Variants in NR5A2 observed in about 807,000 individuals in gnomAD.
The protein encoded by NR5A2 is nuclear receptor subfamily 5 group A member 2.
Under a neutral mutation model 62.7 loss-of-function variants are expected in NR5A2, and 26 were observed. The ratio of observed to expected loss-of-function variants is 0.41; its 90% confidence interval spans 0.30 to 0.58. The LOEUF (loss-of-function observed/expected upper bound fraction) is 0.58. NR5A2 is among the 20% of genes least tolerant of loss of function. The pLI is 0.22. For synonymous variants in NR5A2, 246 were observed against 241.7 expected, an observed-to-expected ratio of 1.02 and a Z score of -0.16; for missense variants, 541 against 669.1, an observed-to-expected ratio of 0.81 and a Z score of 2.11.
chr1:200,151,202 G>C (rs969700884), intron 7 of NR5A2, among the ~76,000 whole-genome samples: 2 of 152,160 alleles, frequency 1.3e-5, no homozygotes, highest in South Asian at 4.1e-4. Context: ...ATTGTCTTGT[G>C]TCTTTTAGCA....
intron 1 of NR5A2, chr1:200,038,682 T>C: frequency 1.5e-6 from 2 of 1,365,758 alleles, no homozygotes; most frequent in Non-Finnish European, 9.8e-7. Context: ...CCCCATCCCT[T>C]CTTCTTGCTT....
chr1:200,145,468 TTGTGTGTGTGTGTGTGTGTG>T (rs66885184), intron 7 of NR5A2, among the ~76,000 whole-genome samples: 45 of 142,204 alleles, frequency 3.2e-4, no homozygotes, highest in African/African-American at 8.7e-4. Flanking sequence ...TTGATAGAAT[TTGTGTGTGTGTGTGTGTGTG>T]TGTGTGTGTG....
intron 7 of NR5A2, among the ~76,000 whole-genome samples, chr1:200,143,638 A>ATTTTT: frequency 9.7e-6 from 1 of 103,296 alleles, no homozygotes; most frequent in Non-Finnish European, 1.9e-5. Flanking sequence ...ATTGTTCATA[A>ATTTTT]TTTTTTTTTT....
chr1:200,087,617 G>A (rs1165710966), intron 5 of NR5A2, among the ~76,000 whole-genome samples: 2 of 151,860 alleles, frequency 1.3e-5, no homozygotes, highest in East Asian at 1.9e-4. Flanking sequence ...GGATGGTCGC[G>A]ATCTCTTGAC....
At chr1:200,085,835 A>G (rs76447816) in intron 5 of NR5A2, among the ~76,000 whole-genome samples, 1 of 152,350 alleles carries the variant, frequency 6.6e-6, no homozygotes, top group Non-Finnish European at 1.5e-5. Context: ...TCAGAAACTC[A>G]GTAGATAAGA....
intron 5 of NR5A2, among the ~76,000 whole-genome samples, chr1:200,051,170 TATA>T (rs756681061): frequency 7.9e-4 from 121 of 152,278 alleles, no homozygotes; most frequent in Middle Eastern, 3.4e-3. Context: ...TCTCAGAGTT[TATA>T]ATAAGACAGT....
chr1:200,129,186 C>T (rs967550051), intron 7 of NR5A2, among the ~76,000 whole-genome samples: 12 of 152,166 alleles, frequency 7.9e-5, no homozygotes, highest in Non-Finnish European at 1.3e-4. Context: ...AACTCCAGCA[C>T]AAGCCATCAT....
intron 5 of NR5A2, among the ~76,000 whole-genome samples, chr1:200,053,512 A>C (rs1662753323): frequency 6.6e-6 from 1 of 151,274 alleles, no homozygotes. Context: ...TGGTAGATTC[A>C]GGTTCAAAGA....
At chr1:200,030,274 A>C (rs1450036706) in intron 1 of NR5A2, among the ~76,000 whole-genome samples, 1 of 152,186 alleles carries the variant, frequency 6.6e-6, no homozygotes, top group Non-Finnish European at 1.5e-5. Context: ...GTACTAGGAA[A>C]TGAGCCTCCT....
chr1:200,168,987 A>T (rs933302411), intron 7 of NR5A2, among the ~76,000 whole-genome samples: 4 of 152,154 alleles, frequency 2.6e-5, no homozygotes, highest in Non-Finnish European at 5.9e-5. Flanking sequence ...GAAAAGAAGT[A>T]TTTTCTATGT....
chr1:200,153,480 C>A (rs1042529471), intron 7 of NR5A2, among the ~76,000 whole-genome samples: 2 of 152,110 alleles, frequency 1.3e-5, no homozygotes, highest in African/African-American at 4.8e-5. Flanking sequence ...TGGCAGAAAA[C>A]CCAGAACAGG....
intron 5 of NR5A2, among the ~76,000 whole-genome samples, chr1:200,094,228 A>C (rs924352714): frequency 4.0e-5 from 6 of 150,720 alleles, no homozygotes; most frequent in Non-Finnish European, 7.4e-5. Context: ...TCTGTTGCCC[A>C]GGCTGGAGTG....
intron 7 of NR5A2, among the ~76,000 whole-genome samples, chr1:200,150,066 A>ATGGT (rs1487408119): frequency 3.6e-4 from 54 of 151,510 alleles, no homozygotes; most frequent in African/African-American, 8.7e-4. Flanking sequence ...GGATGGATGG[A>ATGGT]TGGTTGGTTG....
At chr1:200,037,138 A>C (rs1661815267) in intron 1 of NR5A2, among the ~76,000 whole-genome samples, 1 of 152,164 alleles carries the variant, frequency 6.6e-6, no homozygotes, top group Admixed American at 6.5e-5. Flanking sequence ...GGCCTAAGCA[A>C]GTCCCTTCTG....
At chr1:200,141,018 A>G (rs1216901484) in intron 7 of NR5A2, among the ~76,000 whole-genome samples, 1 of 142,020 alleles carries the variant, frequency 7.0e-6, no homozygotes, top group Non-Finnish European at 1.6e-5. Flanking sequence ...GCAACAAGAG[A>G]TAACTCCATC....
chr1:200,176,685 G>A lies in NR5A2; in HGVS notation c.*2475G>A, dbSNP rs1654435414. Reference sequence around the variant, plus strand: ...TTTATTTTATTTTTTATTTTAAGAGGCGGGATCTTGATCTCACATGTTGCC... The same window carrying A: ...TTTATTTTATTTTTTATTTTAAGAGACGGGATCTTGATCTCACATGTTGCC... On this transcript the variant is annotated 3_prime_UTR_variant, in exon 8 of 8. Transcript: ENST00000367362. The A allele has an allele frequency of 6.6e-6, 1 of 151,968 alleles. No individual in the cohort carries two copies. Among genetic ancestry groups the A allele is most frequent in the South Asian group, 2.1e-4 (1 of 4,826 alleles). The allele number at this position is 151,968 out of a possible 1,614,324, so 9.4% of individuals were successfully genotyped here.
At chr1:200,047,406 A>G (rs1662417604) in intron 4 of NR5A2, among the ~76,000 whole-genome samples, 1 of 152,166 alleles carries the variant, frequency 6.6e-6, no homozygotes, top group South Asian at 2.1e-4. Context: ...TCAGGGAGGA[A>G]GGTATCTTGT....
chr1:200,166,537 C>T (rs186057626), intron 7 of NR5A2, among the ~76,000 whole-genome samples: 3 of 152,116 alleles, frequency 2.0e-5, no homozygotes, highest in African/African-American at 4.8e-5. Flanking sequence ...CCTTTAGAAA[C>T]GGAACTACTT....
At chr1:200,166,136 C>T (rs1457936318) in intron 7 of NR5A2, among the ~76,000 whole-genome samples, 1 of 152,180 alleles carries the variant, frequency 6.6e-6, no homozygotes, top group African/African-American at 2.4e-5. Context: ...AGTAGCCCAC[C>T]ATTCCCTTTG....
Sources: gnomAD v4.1 joint callset for allele counts (sites outside exome capture counted in the v4.1 genomes callset) on GRCh38, gnomAD v4.1.1 for gene constraint, MANE v1.5 for transcripts, NCBI Gene and HGNC (gene_info 2026-07-23, HGNC 2026-07-21) for gene names.